SRGAP2B: variants seen among roughly 807,000 people sequenced by gnomAD.
SRGAP2B encodes the protein SLIT-ROBO Rho GTPase activating protein 2B.
SRGAP2B carries 9 observed loss-of-function variants against 22.2 expected under a neutral mutation model. The ratio of observed to expected loss-of-function variants is 0.41; its 90% CI spans 0.24 to 0.71. The LOEUF (loss-of-function observed/expected upper bound fraction) is 0.71, where lower values mean the gene tolerates loss of function less well. Ranked by LOEUF, SRGAP2B falls within the 30% of genes least tolerant of loss-of-function variation. The pLI, the probability that SRGAP2B is intolerant of heterozygous loss-of-function variation, is 0.35. For missense variants in SRGAP2B, 114 were observed against 235.8 expected (o/e 0.48, Z 3.38); for synonymous variants, 36 against 87.4 (o/e 0.41, Z 3.28).
chr1:145,035,931 C>A (rs1553626558), intron 2 of SRGAP2B, among the ~76,000 whole-genome samples: 2 of 136,638 alleles, frequency 1.5e-5, no homozygotes, highest in Non-Finnish European at 3.1e-5. Context: ...GTCATGTTTT[C>A]AGAAGACAAA....
chr1:144,960,507 T>C (rs879981987), intron 3 of SRGAP2B, among the ~76,000 whole-genome samples: 1 of 150,298 alleles, frequency 6.7e-6, no homozygotes, highest in Non-Finnish European at 1.5e-5. Context: ...CTTGGACTAT[T>C]TATGGACGTT....
intron 1 of SRGAP2B, among the ~76,000 whole-genome samples, chr1:145,093,842 T>C (rs1405802445): frequency 7.0e-6 from 1 of 143,420 alleles, no homozygotes; most frequent in Admixed American, 6.8e-5. Context: ...TCAAAGGGGA[T>C]CAAAGCCGGG....
At chr1:144,905,270 T>TG in intron 6 of SRGAP2B, 51 bp from the exon 7 acceptor site, 1 of 712,806 alleles carries the variant, frequency 1.4e-6, no homozygotes, top group Non-Finnish European at 2.6e-6. Context: ...AAGGGGGGCT[T>TG]GTTCTCTAAA....
At chr1:145,068,063 C>T (rs1398803279) in intron 2 of SRGAP2B, among the ~76,000 whole-genome samples, 1 of 46,568 alleles carries the variant, frequency 2.1e-5, no homozygotes, top group Non-Finnish European at 3.9e-5. Flanking sequence ...ATTAGCCGAG[C>T]GTGGTGGCGG....
chr1:145,022,570 T>C (rs1647265428), intron 2 of SRGAP2B, among the ~76,000 whole-genome samples: 1 of 147,670 alleles, frequency 6.8e-6, no homozygotes, highest in African/African-American at 2.6e-5. Context: ...AGGGAACATC[T>C]GAGTATACCA....
intron 2 of SRGAP2B, among the ~76,000 whole-genome samples, chr1:145,040,513 A>G (rs1361640910): frequency 6.6e-6 from 1 of 150,894 alleles, no homozygotes; most frequent in African/African-American, 2.5e-5. Flanking sequence ...CTTCTGGGCC[A>G]TATGTTCTCT....
At chr1:144,967,358 C>T (rs1668163509) in intron 3 of SRGAP2B, among the ~76,000 whole-genome samples, 2 of 61,480 alleles carry the variant, frequency 3.3e-5, no homozygotes, top group East Asian at 5.0e-4. Flanking sequence ...CGCTCAACTA[C>T]ATGGAAACTG....
intron 5 of SRGAP2B, among the ~76,000 whole-genome samples, chr1:144,913,969 AGT>A (rs1291659540): frequency 6.7e-6 from 1 of 150,266 alleles, no homozygotes; most frequent in Non-Finnish European, 1.5e-5. Flanking sequence ...TATGTGTGTG[AGT>A]GTGTGTTTGT....
chr1:144,928,404 GTTATTTATTTATTTATTTAT>G (rs1267611455), intron 4 of SRGAP2B, among the ~76,000 whole-genome samples: 5 of 116,220 alleles, frequency 4.3e-5, no homozygotes, highest in East Asian at 2.3e-4. Flanking sequence ...CCACTTTTTG[GTTATTTATTTATTTATTTAT>G]TTATTTATTT....
At chr1:145,076,911 TAAAAA>T (rs1272715594) in intron 2 of SRGAP2B, among the ~76,000 whole-genome samples, 1 of 140,958 alleles carries the variant, frequency 7.1e-6, no homozygotes, top group Non-Finnish European at 1.5e-5. Context: ...AATAAAATAT[TAAAAA>T]AAAGAAAAAA....
chr1:144,933,470 T>C (rs1400323348), intron 4 of SRGAP2B, among the ~76,000 whole-genome samples: 6 of 140,218 alleles, frequency 4.3e-5, no homozygotes, highest in Non-Finnish European at 9.2e-5. Context: ...CTTAACTCTT[T>C]CTCCTCTCGC....
intron 3 of SRGAP2B, among the ~76,000 whole-genome samples, chr1:144,962,614 CA>C (rs1667758459): frequency 1.9e-5 from 2 of 106,564 alleles, no homozygotes; most frequent in Non-Finnish European, 3.8e-5. Flanking sequence ...TCCTTTCAAC[CA>C]CCCCTATGGC....
chr1:144,950,800 G>T (rs1214253653), intron 4 of SRGAP2B, among the ~76,000 whole-genome samples: 4 of 150,744 alleles, frequency 2.7e-5, no homozygotes, highest in Non-Finnish European at 5.9e-5. Flanking sequence ...CTAGAGCCAG[G>T]TGACTGGAGT....
intron 3 of SRGAP2B, among the ~76,000 whole-genome samples, chr1:144,988,322 CAT>C (rs59048698): frequency 2.4e-5 from 3 of 125,150 alleles, no homozygotes; most frequent in South Asian, 2.8e-4. Context: ...CCAGCAATTT[CAT>C]ATGTTTCACC....
intron 2 of SRGAP2B, among the ~76,000 whole-genome samples, chr1:145,045,156 C>A (rs1373486213): frequency 7.8e-6 from 1 of 128,338 alleles, no homozygotes; most frequent in Non-Finnish European, 1.6e-5. Flanking sequence ...TGGTGGCGGG[C>A]GCCTGTAGTC....
chr1:145,008,850 T>TA lies in SRGAP2B; in HGVS notation c.68-13651dup, dbSNP rs1164818413. On this transcript the variant is annotated intron_variant, in intron 2 of 9. Coordinates refer to ENST00000612199, the Ensembl canonical transcript of SRGAP2B. The stretch of plus-strand genomic sequence containing the variant: ...GATGAAACTTATTAGTGGTTAAGTT[T>TA]AAAAAAACAAAACAAAACACCAAAA... Among the ~76,000 whole-genome samples the TA allele has an allele frequency of 5.1e-5, 7 of 136,988 alleles. 1 individual carries two copies. The highest frequency in any genetic ancestry group is 2.3e-4 in the South Asian group (1 of 4,354). 89.9% of individuals were successfully genotyped at this position (136,988 alleles called of 152,430 possible).
intron 3 of SRGAP2B, among the ~76,000 whole-genome samples, chr1:144,989,303 ATTT>A (rs58585545): frequency 2.0e-5 from 1 of 49,344 alleles, no homozygotes. Context: ...TTAACCAGGG[ATTT>A]TTTTTTTTTT....
At chr1:145,089,123 G>T (rs1653730563) in intron 2 of SRGAP2B, among the ~76,000 whole-genome samples, 2 of 151,218 alleles carry the variant, frequency 1.3e-5, no homozygotes, top group African/African-American at 4.9e-5. Context: ...AGCATCTGCA[G>T]ATTTTGGTAT....
chr1:145,040,578 A>T (rs1232564352), intron 2 of SRGAP2B, among the ~76,000 whole-genome samples: 1 of 150,176 alleles, frequency 6.7e-6, no homozygotes, highest in African/African-American at 2.5e-5. Context: ...TGGACGATAT[A>T]CAAACCCATG....
Sources: gnomAD v4.1 joint callset for allele counts (sites outside exome capture counted in the v4.1 genomes callset) on GRCh38, gnomAD v4.1.1 for gene constraint, MANE v1.5 for transcripts, NCBI Gene and HGNC (gene_info 2026-07-23, HGNC 2026-07-21) for gene names.